The following GALNT13 variants were observed in gnomAD, a reference collection of about 807,000 sequenced individuals.
GALNT13 encodes polypeptide N-acetylgalactosaminyltransferase 13.
A neutral mutation model predicts 64.2 loss-of-function variants in GALNT13; 28 were observed. The ratio of observed to expected loss-of-function variants is 0.44; its 90% CI spans 0.32 to 0.60. The LOEUF (loss-of-function observed/expected upper bound fraction) is 0.60. Among genes scored for constraint, GALNT13 ranks in the 20% least tolerant of loss-of-function variants. GALNT13 has a pLI of 0.05. For missense variants in GALNT13, 577 were observed against 669.8 expected (o/e 0.86, Z 1.53); for synonymous variants, 214 against 224.6 (o/e 0.95, Z 0.42).
At position 154,140,334 on chromosome 2, in the gene GALNT13, C is replaced by T; in HGVS notation, c.143-3C>T. On this transcript the variant is annotated splice_polypyrimidine_tract_variant and splice_region_variant and intron_variant, in intron 3 of 12. Transcript: ENST00000392825. ...TATGTCTGTATCTCTGTATGTCTTA[C>T]AGCTGTTATTTCAAGAAACCAAGAA... 1 of 1,609,344 alleles carries T rather than the reference C, an allele frequency of 6.2e-7. No homozygotes were observed. Among genetic ancestry groups the T allele is most frequent in the Non-Finnish European group, 8.5e-7 (1 of 1,176,242 alleles).
the GALNT13 span, among the ~76,000 whole-genome samples, chr2:153,392,122 ATAAAT>A: frequency 1.3e-5 from 2 of 148,870 alleles, no homozygotes; most frequent in South Asian, 2.1e-4. Context: ...TTTATAATAT[ATAAAT>A]TAAATTAAAT....
chr2:153,660,929 C>G, the GALNT13 span, among the ~76,000 whole-genome samples: 1 of 152,086 alleles, frequency 6.6e-6, no homozygotes, highest in African/African-American at 2.4e-5. Flanking sequence ...GGAGGCACTG[C>G]CCGTGAAGCA....
chr2:154,208,466 C>T (rs1687586482), intron 4 of GALNT13, among the ~76,000 whole-genome samples: 1 of 152,068 alleles, frequency 6.6e-6, no homozygotes, highest in South Asian at 2.1e-4. Context: ...TACTGAGAAT[C>T]TATTTTTTCC....
the GALNT13 span, among the ~76,000 whole-genome samples, chr2:153,138,172 A>G: frequency 6.6e-6 from 1 of 152,212 alleles, no homozygotes; most frequent in East Asian, 1.9e-4. Flanking sequence ...AGAGGGGAGG[A>G]GCTGGAATTC....
the GALNT13 span, among the ~76,000 whole-genome samples, chr2:153,331,802 C>T: frequency 1.8e-4 from 27 of 152,130 alleles, no homozygotes; most frequent in African/African-American, 5.6e-4. Flanking sequence ...CAAATTGACA[C>T]TCAGTATTAA....
the GALNT13 span, among the ~76,000 whole-genome samples, chr2:153,579,664 G>A: frequency 2.0e-5 from 3 of 152,154 alleles, no homozygotes; most frequent in African/African-American, 7.2e-5. Flanking sequence ...GTACTGGTCT[G>A]TGGCCTGTTA....
chr2:153,488,474 T>C, the GALNT13 span, among the ~76,000 whole-genome samples: 3 of 152,228 alleles, frequency 2.0e-5, no homozygotes, highest in East Asian at 1.9e-4. Context: ...GGCTGCTGAG[T>C]GACCCACTTT....
At chr2:154,370,433 C>G (rs756298850) in intron 9 of GALNT13, among the ~76,000 whole-genome samples, 1 of 152,012 alleles carries the variant, frequency 6.6e-6, no homozygotes, top group African/African-American at 2.4e-5. Flanking sequence ...CAAAAAATAA[C>G]TTGGGTGAGG....
At chr2:153,674,812 G>A in the GALNT13 span, among the ~76,000 whole-genome samples, 1 of 152,004 alleles carries the variant, frequency 6.6e-6, no homozygotes, top group Non-Finnish European at 1.5e-5. Flanking sequence ...CTGACAAAGG[G>A]CTTATATCCA....
intron 9 of GALNT13, among the ~76,000 whole-genome samples, chr2:154,393,850 G>A (rs547561777): frequency 1.1e-4 from 16 of 151,536 alleles, no homozygotes; most frequent in Admixed American, 5.9e-4. Flanking sequence ...AGGCCGAGGC[G>A]GGCGGATCAC....
chr2:153,169,265 G>C, the GALNT13 span, among the ~76,000 whole-genome samples: 39 of 152,312 alleles, frequency 2.6e-4, no homozygotes, highest in Non-Finnish European at 4.6e-4. Context: ...GGAGGCTGAG[G>C]AAAACTGGTA....
chr2:154,263,686 T>C (rs893220040), intron 8 of GALNT13, among the ~76,000 whole-genome samples: 1 of 152,158 alleles, frequency 6.6e-6, no homozygotes, highest in African/African-American at 2.4e-5. Flanking sequence ...CACAACATCA[T>C]TGGAGTTAAT....
chr2:153,643,100 C>T, the GALNT13 span, among the ~76,000 whole-genome samples: 4 of 150,650 alleles, frequency 2.7e-5, no homozygotes, highest in Non-Finnish European at 5.9e-5. Context: ...AGTTAATATA[C>T]AAAAGTTTGA....
At chr2:154,313,722 G>A (rs1237018643) in intron 9 of GALNT13, among the ~76,000 whole-genome samples, 2 of 151,936 alleles carry the variant, frequency 1.3e-5, no homozygotes, top group East Asian at 3.9e-4. Flanking sequence ...CAAAGTGCTG[G>A]GATTACAGGT....
chr2:153,889,621 G>A (rs1687417431), intron 1 of GALNT13, among the ~76,000 whole-genome samples: 1 of 151,996 alleles, frequency 6.6e-6, no homozygotes, highest in Non-Finnish European at 1.5e-5. Flanking sequence ...TATTTGGCCA[G>A]AGGCCTACAT....
chr2:153,532,982 G>A, the GALNT13 span, among the ~76,000 whole-genome samples: 1 of 152,118 alleles, frequency 6.6e-6, no homozygotes. Flanking sequence ...TAATTATTAG[G>A]CATTGCCTGC....
chr2:154,263,939 C>A (rs754354740), intron 8 of GALNT13, among the ~76,000 whole-genome samples: 2 of 152,176 alleles, frequency 1.3e-5, no homozygotes, highest in African/African-American at 2.4e-5. Flanking sequence ...CAAGGAAAGC[C>A]TTACAATTGC....
chr2:153,876,202 T>TACACACACAC lies in GALNT13; in HGVS notation c.-177+3923_-177+3932dup, dbSNP rs56256669. ...ATTTCTAACAGCAACCCCCCCACACTACACACACACACACACACACACACA... is the reference window on the plus strand; with the variant it reads ...ATTTCTAACAGCAACCCCCCCACACTACACACACACACACACACACACACACACACACACA... On this transcript the variant is annotated intron_variant, in intron 1 of 12. Coordinates refer to ENST00000392825, the MANE Select transcript of GALNT13 (RefSeq NM_052917.4). Among the ~76,000 whole-genome samples the TACACACACAC allele has an allele frequency of 7.8e-3, 1,161 of 148,726 alleles. 14 individuals carry two copies. Among genetic ancestry groups the TACACACACAC allele is most frequent in the African/African-American group, 0.026 (1,033 of 40,478 alleles).
At chr2:153,680,620 A>G in the GALNT13 span, among the ~76,000 whole-genome samples, 2 of 151,920 alleles carry the variant, frequency 1.3e-5, no homozygotes, top group Non-Finnish European at 2.9e-5. Context: ...CATCTGATTT[A>G]AACATGAATA....
Sources: gnomAD v4.1 joint callset for allele counts (sites outside exome capture counted in the v4.1 genomes callset) on GRCh38, gnomAD v4.1.1 for gene constraint, MANE v1.5 for transcripts, NCBI Gene and HGNC (gene_info 2026-07-23, HGNC 2026-07-21) for gene names.